The following YIPF5 variants were observed in gnomAD, a reference collection of about 807,000 sequenced individuals.
The protein encoded by YIPF5 is protein YIPF5.
Under a neutral mutation model 30.4 loss-of-function variants are expected in YIPF5, and 8 were observed. The ratio of observed to expected loss-of-function variants is 0.26; its 90% CI spans 0.15 to 0.47. The LOEUF (loss-of-function observed/expected upper bound fraction) is 0.47, where lower values mean the gene tolerates loss of function less well. Ranked by LOEUF, YIPF5 falls within the 20% of genes least tolerant of loss-of-function variation. The probability of loss-of-function intolerance (pLI) is 0.99; values close to 1 mark genes in which losing one functional copy is unlikely to be tolerated. For synonymous variants in YIPF5, 104 were observed against 107.9 expected (o/e 0.96, Z 0.23); for missense variants, 282 against 301.8 (o/e 0.93, Z 0.49).
rs748916686 is a variant in YIPF5 at position 144,159,212 on chromosome 5, T to C, written c.*1185A>G. 10 of 984,308 alleles carry C rather than the reference T, an allele frequency of 1.0e-5. No individual in the cohort carries two copies. The highest frequency in any genetic ancestry group is 1.2e-5 in the Non-Finnish European group (10 of 828,954). The allele number at this position is 984,308 out of a possible 1,614,324, so 61.0% of individuals were successfully genotyped here. The stretch of plus-strand genomic sequence containing the variant: ...ATTAGGGGTCAAAATCAGAGCCTAG[T>C]TAAAAAAGAGACAAAGAGAACAGTA... On this transcript the variant is annotated 3_prime_UTR_variant, in exon 6 of 6. Coordinates refer to ENST00000274496, the MANE Select transcript of YIPF5 (RefSeq NM_030799.9).
At chr5:144,166,211 T>C (rs1433404386) in intron 2 of YIPF5, among the ~76,000 whole-genome samples, 1 of 152,238 alleles carries the variant, frequency 6.6e-6, no homozygotes, top group Non-Finnish European at 1.5e-5. Context: ...TTTAGTACAC[T>C]TTGCATTTGA....
In YIPF5 at chr5:144,162,330, A is replaced by G. The variant is rs780974390; in HGVS notation, c.499T>C (p.Leu167=). Residue 167 remains leucine (L), a synonymous_variant, in exon 5 of 6, where the codon TTA becomes CTA. Transcript: ENST00000274496. ...AIGCLGMFCL[L]NLMSMTGVSF... ...ACACCTGTCATACTCATTAAGTTTAATAAACAAAACATTCCTAGACATCCA... is the reference window on the plus strand; with the variant it reads ...ACACCTGTCATACTCATTAAGTTTAGTAAACAAAACATTCCTAGACATCCA... The G allele has an allele frequency of 5.6e-6, 9 of 1,614,048 alleles. No individual in the cohort carries two copies. The Admixed American group carries it at 6.7e-5, about 12-fold the overall frequency.
Position 144,158,212 on chromosome 5 carries a change from A to G in YIPF5, c.*2185T>C, listed in dbSNP as rs1029023057. On this transcript the variant is annotated 3_prime_UTR_variant, in exon 6 of 6. Transcript: ENST00000274496. ...TTAATGTATATATAAATATGCCTAC[A>G]TAACAGAGTTTGATAAGAGAAGTTT... 8.0e-5 allele frequency: 25 copies of G among 311,306 alleles called. No homozygotes were observed. Among genetic ancestry groups the G allele is most frequent in the South Asian group, 6.5e-4 (24 of 36,852 alleles). 19.3% of individuals were successfully genotyped at this position (311,306 alleles called of 1,614,324 possible).
intron 4 of YIPF5, among the ~76,000 whole-genome samples, chr5:144,162,794 T>C (rs2126757754): frequency 6.6e-6 from 1 of 152,246 alleles, no homozygotes; most frequent in Admixed American, 6.5e-5. Flanking sequence ...AGTACCTAAT[T>C]CCACCAAAAA....
Position 144,159,251 on chromosome 5 carries a change from A to G in YIPF5, c.*1146T>C. The G allele has an allele frequency of 1.0e-6, 1 of 977,578 alleles. No individual in the cohort carries two copies. The highest frequency in any genetic ancestry group is 1.2e-6 in the Non-Finnish European group (1 of 822,768). 60.6% of individuals were successfully genotyped at this position (977,578 alleles called of 1,614,324 possible). ...AAGAGAACAGTAGTTTAGTAAAAGT[A>G]AATTCAATAACACAGTTAAAATTAA... is the stretch of plus-strand genomic sequence containing the variant. On this transcript the variant is annotated 3_prime_UTR_variant, in exon 6 of 6. Transcript: ENST00000274496.
Position 144,158,295 on chromosome 5 carries a change from G to A in YIPF5, c.*2102C>T, listed in dbSNP as rs973608984. The A allele has an allele frequency of 6.7e-6, 4 of 592,966 alleles. No individual in the cohort carries two copies. The highest frequency in any genetic ancestry group is 7.7e-6 in the Non-Finnish European group (3 of 387,200). 36.7% of individuals were successfully genotyped at this position (592,966 alleles called of 1,614,324 possible). On this transcript the variant is annotated 3_prime_UTR_variant, in exon 6 of 6. Transcript: ENST00000274496. ...CTAGAACATCAAATGCAACTCCACT[G>A]CATAGCTGTTTTGACAGAGCAACAG...
rs2126754348 is a variant in YIPF5 at position 144,159,727 on chromosome 5, CAG to C, written c.*668_*669del. 5 of 817,562 alleles carry C rather than the reference CAG, an allele frequency of 6.1e-6. No homozygotes were observed. The highest frequency in any genetic ancestry group is 5.8e-6 in the Non-Finnish European group (4 of 692,054). 50.6% of individuals were successfully genotyped at this position (817,562 alleles called of 1,614,324 possible). On this transcript the variant is annotated 3_prime_UTR_variant, in exon 6 of 6. Transcript: ENST00000274496. Reference sequence around the variant, plus strand: ...TCTCCTTTTTTTTTTTTTTTTGAGACAGAGTCTCACCCTGTCACCCAGGCTGG... The same window carrying C: ...TCTCCTTTTTTTTTTTTTTTTGAGACAGTCTCACCCTGTCACCCAGGCTGG...
chr5:144,166,324 A>G (rs916554199), intron 2 of YIPF5, among the ~76,000 whole-genome samples: 1 of 152,234 alleles, frequency 6.6e-6, no homozygotes, highest in Non-Finnish European at 1.5e-5. Flanking sequence ...AAGGCTTATC[A>G]CAGCTATTTT....
intron 1 of YIPF5, 199 bp from the exon 2 acceptor site, chr5:144,170,164 G>C: frequency 1.8e-6 from 1 of 561,936 alleles, no homozygotes; most frequent in Non-Finnish European, 3.2e-6. Context: ...TTTAAGTTGC[G>C]GCCCAGTAAG....
chr5:144,169,505 C>T (rs1752299866), intron 2 of YIPF5, among the ~76,000 whole-genome samples: 1 of 152,200 alleles, frequency 6.6e-6, no homozygotes, highest in Non-Finnish European at 1.5e-5. Context: ...TAATTTTTCA[C>T]TGGTCCTATG....
At chr5:144,161,005 T>C (rs528688388) in intron 5 of YIPF5, among the ~76,000 whole-genome samples, 3 of 152,110 alleles carry the variant, frequency 2.0e-5, no homozygotes, top group Non-Finnish European at 4.4e-5. Flanking sequence ...GAAAAAAGGG[T>C]TTTAGTAGAA....
chr5:144,168,248 G>A (rs752061045), intron 2 of YIPF5, among the ~76,000 whole-genome samples: 2 of 152,076 alleles, frequency 1.3e-5, no homozygotes, highest in Non-Finnish European at 2.9e-5. Context: ...CTGTTAAAGG[G>A]AATGAGACTG....
In YIPF5 at chr5:144,165,516, A is replaced by G. The variant is rs757940761; in HGVS notation, c.199T>C (p.Tyr67His). Residue 67 changes from tyrosine to histidine, a missense_variant, in exon 3 of 6, where the codon TAC (tyrosine) becomes CAC (histidine). Tyr to His is a moderately conservative substitution (Grantham distance 83, BLOSUM62 2). Transcript: ENST00000274496. ...QPQQPYTGQI[Y>H]QPTQAYTPAS... ...GGAGTATATGCCTGAGTTGGCTGGT[A>G]AATCTGCCCGGTGTATGGCTGTTGT... is the stretch of plus-strand genomic sequence containing the variant. The G allele has an allele frequency of 1.9e-6, 3 of 1,614,166 alleles. No individual in the cohort carries two copies. Among genetic ancestry groups the G allele is most frequent in the Non-Finnish European group, 2.5e-6 (3 of 1,180,020 alleles).
At position 144,159,156 on chromosome 5, in the gene YIPF5, A is replaced by G. The variant is rs574178614; in HGVS notation, c.*1241T>C. ...TTTAATCCCCTTTTTGTCTGATTCTATATTAGCTGATTTCTATTCTTAAAG... is the reference window on the plus strand; with the variant it reads ...TTTAATCCCCTTTTTGTCTGATTCTGTATTAGCTGATTTCTATTCTTAAAG... On this transcript the variant is annotated 3_prime_UTR_variant, in exon 6 of 6. Coordinates refer to ENST00000274496, the MANE Select transcript of YIPF5 (RefSeq NM_030799.9). 7.1e-6 allele frequency: 7 copies of G among 985,096 alleles called. No individual in the cohort carries two copies. Among genetic ancestry groups the G allele is most frequent in the Middle Eastern group, 5.2e-4 (1 of 1,914 alleles). The allele number at this position is 985,096 out of a possible 1,614,324, so 61.0% of individuals were successfully genotyped here.
Position 144,164,227 on chromosome 5 carries a change from G to C in YIPF5, c.313C>G (p.Gln105Glu), listed in dbSNP as rs1487585244. Residue 105 changes from glutamine to glutamate, a missense_variant, in exon 4 of 6, where the codon CAA (glutamine) becomes GAA (glutamate). Transcript: ENST00000274496. ...GGATGTAATACTGTTAGTGTTTTTT[G>C]CCAGATGTGGTCAAAATTGATACCT... ...ELGINFDHIW[Q>E]KTLTVLHPLK... The C allele has an allele frequency of 1.2e-6, 2 of 1,610,280 alleles. No individual in the cohort carries two copies. The highest frequency in any genetic ancestry group is 1.7e-6 in the Non-Finnish European group (2 of 1,178,260).
rs1751939121 is a variant in YIPF5 at position 144,158,695 on chromosome 5, AAATT to A, written c.*1698_*1701del. On this transcript the variant is annotated 3_prime_UTR_variant, in exon 6 of 6. Coordinates refer to ENST00000274496, the MANE Select transcript of YIPF5 (RefSeq NM_030799.9). ...TGGAAAGCCTATCAAATTACCTTCC[AAATT>A]GCTTTTTTAAAGCAATTTGGTAAGT... 6 of 1,018,468 alleles carry A rather than the reference AAATT, an allele frequency of 5.9e-6. No individual in the cohort carries two copies. The highest frequency in any genetic ancestry group is 7.0e-6 in the Non-Finnish European group (6 of 851,810). 63.1% of individuals were successfully genotyped at this position (1,018,468 alleles called of 1,614,324 possible).
Position 144,161,503 on chromosome 5 carries a change from T to C in YIPF5, c.611+715A>G, listed in dbSNP as rs146587769. Among the ~76,000 whole-genome samples, 663 of 151,980 alleles carry C rather than the reference T, an allele frequency of 4.4e-3. 3 individuals are homozygous for C. Among genetic ancestry groups the C allele is most frequent in the African/African-American group, 0.016 (643 of 41,462 alleles). ...GGGATTACACAGGCATGTGCTACCATGCCCGGCTAATTTTGTATTTTTAGT... is the reference window on the plus strand; with the variant it reads ...GGGATTACACAGGCATGTGCTACCACGCCCGGCTAATTTTGTATTTTTAGT... On this transcript the variant is annotated intron_variant, in intron 5 of 5. Transcript: ENST00000274496.
chr5:144,166,827 C>T lies in YIPF5; in HGVS notation c.111-1223G>A, dbSNP rs571248759. On this transcript the variant is annotated intron_variant, in intron 2 of 5. Transcript: ENST00000274496. ...TTTAATAAAAAGATAATTCTTACTG[C>T]TTCCTCAAGAGAATCCTTAAATGAA... Among the ~76,000 whole-genome samples, 134 of 152,244 alleles carry T rather than the reference C, an allele frequency of 8.8e-4. 2 individuals are homozygous for T. The Middle Eastern group carries it at 0.01, about 12-fold the overall frequency.
intron 2 of YIPF5, among the ~76,000 whole-genome samples, chr5:144,169,633 G>A (rs1253344308): frequency 1.3e-5 from 2 of 152,212 alleles, no homozygotes; most frequent in South Asian, 2.1e-4. Context: ...TACACCTGAA[G>A]AGTTTGCAGA....
Sources: allele counts gnomAD v4.1 joint callset (sites outside exome capture counted in the v4.1 genomes callset), GRCh38; gene constraint gnomAD v4.1.1; transcripts MANE v1.5; gene names NCBI Gene and HGNC (gene_info 2026-07-23, HGNC 2026-07-21).